Variants in PEX10 observed in about 807,000 individuals in gnomAD.
PEX10 encodes peroxisomal biogenesis factor 10.
A neutral mutation model predicts 38.0 loss-of-function variants in PEX10; 32 were observed. That is an observed-to-expected ratio of 0.84 (90% CI 0.63 to 1.13). The LOEUF (loss-of-function observed/expected upper bound fraction) is 1.13. Among genes scored for constraint, PEX10 ranks in the 50% most tolerant of loss-of-function variants. PEX10 has a pLI of 0.00. For missense variants in PEX10, 483 were observed against 457.7 expected (o/e 1.06, Z -0.51); for synonymous variants, 206 against 207.3 (o/e 0.99, Z 0.05).
rs571178917 is a variant in PEX10, at chr1:2,406,750, C to T, written c.746G>A (p.Trp249Ter). The T allele has an allele frequency of 2.5e-6, 4 of 1,609,724 alleles. No homozygotes were observed. Among genetic ancestry groups the T allele is most frequent in the African/African-American group, 1.3e-5 (1 of 74,978 alleles). The change falls in exon 4 of 6, where the codon TGG becomes TAG. Residue 249 changes from tryptophan to a stop codon, truncating the protein, a stop_gained. Coordinates refer to ENST00000447513, the MANE Select transcript of PEX10 (RefSeq NM_002617.4). LOFTEE classifies it high-confidence loss of function. Reference sequence around the variant, plus strand: ...GTGAGACAGGCCGCGGTGCAGCCTCCACTCCTTCCTGGCTCGCTGCCGCTG... The same window carrying T: ...GTGAGACAGGCCGCGGTGCAGCCTCTACTCCTTCCTGGCTCGCTGCCGCTG... ...FRQRQRARKE[W>*]RLHRGLSHRR...
At position 2,404,748 on chromosome 1, in the gene PEX10, G is replaced by A. The variant is rs1006430876; in HGVS notation, c.*1018C>T. On this transcript the variant is annotated 3_prime_UTR_variant, in exon 6 of 6. Coordinates refer to ENST00000447513, the MANE Select transcript of PEX10 (RefSeq NM_002617.4). ...ACGTCAGCAGGGAAATGTGGCACAC[G>A]CCCTCGAGGCATTTTAACACTGCGC... The A allele has an allele frequency of 5.3e-5, 8 of 152,278 alleles. No individual in the cohort carries two copies. The highest frequency in any genetic ancestry group is 8.8e-5 in the Non-Finnish European group (6 of 68,044). The allele number at this position is 152,278 out of a possible 1,614,324, so 9.4% of individuals were successfully genotyped here.
In PEX10 at chr1:2,410,477, G is replaced by C. The variant is rs41315652; in HGVS notation, c.113-26C>G. ...CTGAGAGGAGAAACAGTATTAGTCCGGGGGAGCTGGTGGGCATCCTCTGAG... is the reference window on the plus strand; with the variant it reads ...CTGAGAGGAGAAACAGTATTAGTCCCGGGGAGCTGGTGGGCATCCTCTGAG... On this transcript the variant is annotated intron_variant, in intron 1 of 5. Coordinates refer to ENST00000447513, the MANE Select transcript of PEX10 (RefSeq NM_002617.4). This position sits in a 1 kb window ranked among gnomAD's most constrained non-coding sequence, Gnocchi z 5.1. 1.0e-5 allele frequency: 16 copies of C among 1,606,126 alleles called. No homozygotes were observed. Among genetic ancestry groups the C allele is most frequent in the Middle Eastern group, 1.6e-4 (1 of 6,070 alleles).
chr1:2,408,543 C>A lies in PEX10; in HGVS notation c.509G>T (p.Gly170Val). ...ATGTAGCCGCTGGAGGCAGGCGAGG[C>A]CCTGTCTGAGGACGAAGACCGCCCG... ...LLRAVFVLRQ[G>V]LACLQRLHVA... Residue 170 changes from glycine (G) to valine (V), a missense_variant, in exon 3 of 6, where the codon GGC (glycine) becomes GTC (valine). Gly to Val is a moderately radical substitution (Grantham distance 109). Transcript: ENST00000447513. 1 of 1,612,674 alleles carries A rather than the reference C, an allele frequency of 6.2e-7. No individual in the cohort carries two copies. Among genetic ancestry groups the A allele is most frequent in the South Asian group, 1.1e-5 (1 of 91,086 alleles).
At position 2,406,860 on chromosome 1, in the gene PEX10, C is replaced by T. The variant is rs1236839010; in HGVS notation, c.636G>A (p.Arg212=). 1.7e-5 allele frequency: 27 copies of T among 1,609,502 alleles called. No individual in the cohort carries two copies. The highest frequency in any genetic ancestry group is 2.3e-5 in the Non-Finnish European group (27 of 1,178,362). ...RVRSLPGEDL[R]ARVSYRLLGV... is the part of the protein sequence containing the mutation. ...CCAGCAGCCTGTAGCTAACACGGGC[C>T]CTCAGGTCCTCTCCGGGCAGGCTGC... The change falls in exon 4 of 6, where the codon AGG becomes AGA. Residue 212 remains arginine (R), a synonymous_variant. Transcript: ENST00000447513.
rs1433540172 is a variant in PEX10 at position 2,408,692 on chromosome 1, GT to G, written c.359del (p.Asp120AlafsTer33). 2 of 1,613,118 alleles carry G rather than the reference GT, an allele frequency of 1.2e-6. No homozygotes were observed. Among genetic ancestry groups the G allele is most frequent in the Non-Finnish European group, 1.7e-6 (2 of 1,179,744 alleles). On this transcript the variant is annotated frameshift_variant, in exon 3 of 6. Coordinates refer to ENST00000447513, the MANE Select transcript of PEX10 (RefSeq NM_002617.4). LOFTEE classifies it high-confidence loss of function. ...LLPLEQELQA[D>X]PDSGRPLQGS... ...CCTGCAAGGGTCGCCCACTGTCGGGGTCAGCCTGCAGCTCCTGCTCCAGGGG... is the reference window on the plus strand; with the variant it reads ...CCTGCAAGGGTCGCCCACTGTCGGGGCAGCCTGCAGCTCCTGCTCCAGGGG...
rs972255935 is a variant in PEX10, at chr1:2,404,175, C to T, written c.*1591G>A. 2.0e-5 allele frequency: 3 copies of T among 152,258 alleles called. No homozygotes were observed. Among genetic ancestry groups the T allele is most frequent in the Admixed American group, 6.5e-5 (1 of 15,284 alleles). The allele number at this position is 152,258 out of a possible 1,614,324, so 9.4% of individuals were successfully genotyped here. A position where few individuals can be genotyped will look rare whatever the true frequency, so the allele number is the denominator to read the frequency against. ...CCCCGGGCTGCGCAGGCTCCTCACT[C>T]TGGGCGGTGTTTCCTGTCTCAGAAT... On this transcript the variant is annotated 3_prime_UTR_variant, in exon 6 of 6. Transcript: ENST00000447513.
chr1:2,407,534 G>A (rs1387808596), intron 3 of PEX10, among the ~76,000 whole-genome samples: 1 of 152,250 alleles, frequency 6.6e-6, no homozygotes, highest in East Asian at 1.9e-4. Context: ...CTAGGAGAGA[G>A]GGAGCCTCCC....
At position 2,405,356 on chromosome 1, in the gene PEX10, C is replaced by T. The variant is rs886046144; in HGVS notation, c.*410G>A. ...CGTGCCCCACCCCACCCAGCACGCA[C>T]TCATTCAGTCCATTGCCTTAACACA... On this transcript the variant is annotated 3_prime_UTR_variant, in exon 6 of 6. Coordinates refer to ENST00000447513, the MANE Select transcript of PEX10 (RefSeq NM_002617.4). 2.6e-4 allele frequency: 91 copies of T among 353,970 alleles called. No homozygotes were observed. The highest frequency in any genetic ancestry group is 9.9e-4 in the Middle Eastern group (1 of 1,012). The allele number at this position is 353,970 out of a possible 1,614,324, so 21.9% of individuals were successfully genotyped here.
At position 2,409,984 on chromosome 1, in the gene PEX10, C is replaced by T. The variant is rs1173547739; in HGVS notation, c.193+387G>A. The T allele has an allele frequency of 6.7e-6, 2 of 300,338 alleles. No individual in the cohort carries two copies. The highest frequency in any genetic ancestry group is 1.3e-5 in the Non-Finnish European group (2 of 151,710). The allele number at this position is 300,338 out of a possible 1,614,324, so 18.6% of individuals were successfully genotyped here. The stretch of plus-strand genomic sequence containing the variant: ...TGAGAGCTTCTGTCAACAACTCCCT[C>T]TAAAGGGTGGTGACCAGCCTGGGCC... On this transcript the variant is annotated intron_variant, in intron 2 of 5. Transcript: ENST00000447513. The surrounding 1 kb of genome is among the most constrained non-coding windows in gnomAD (Gnocchi z 6.2).
At position 2,405,188 on chromosome 1, in the gene PEX10, G is replaced by A. The variant is rs1642957748; in HGVS notation, c.*578C>T. 5.5e-6 allele frequency: 1 copy of A among 180,864 alleles called. No individual in the cohort carries two copies. The allele number at this position is 180,864 out of a possible 1,614,324, so 11.2% of individuals were successfully genotyped here. ...GCTTCCGACGGAGGTGCTGGCCTTG[G>A]TTGGTTTCTCTCTGCCCCGTGTGGT... is the stretch of plus-strand genomic sequence containing the variant. On this transcript the variant is annotated 3_prime_UTR_variant, in exon 6 of 6. Transcript: ENST00000447513.
chr1:2,408,590 CTCAG>C lies in PEX10; in HGVS notation c.458_461del (p.Thr153SerfsTer58), dbSNP rs1643085902. 4 of 1,611,804 alleles carry C rather than the reference CTCAG, an allele frequency of 2.5e-6. No individual in the cohort carries two copies. In the Admixed American group the frequency reaches 5.0e-5, roughly 20 times the overall value. On this transcript the variant is annotated frameshift_variant, in exon 3 of 6. Transcript: ENST00000447513. LOFTEE classifies it high-confidence loss of function. ...CCCGCAGCAGCGCCCTCCTCTGCTG[CTCAG>C]TCAGGGTGGCCGTGTGGTGACGCAT...
At position 2,409,890 on chromosome 1, in the gene PEX10, G is replaced by A. The variant is rs1370253517; in HGVS notation, c.193+481C>T. 5.9e-6 allele frequency: 1 copy of A among 170,362 alleles called. No individual in the cohort carries two copies. The highest frequency in any genetic ancestry group is 1.3e-5 in the Non-Finnish European group (1 of 78,632). 10.6% of individuals were successfully genotyped at this position (170,362 alleles called of 1,614,324 possible). A position where few individuals can be genotyped will look rare whatever the true frequency, so the allele number is the denominator to read the frequency against. ...TCCATGGCGGCAGGATGCCCGGGGC[G>A]AGCCCCTCGTAGGGAACCAGGCTGG... On this transcript the variant is annotated intron_variant, in intron 2 of 5. Coordinates refer to ENST00000447513, the MANE Select transcript of PEX10 (RefSeq NM_002617.4). The surrounding 1 kb of genome is among the most constrained non-coding windows in gnomAD (Gnocchi z 6.2).
Position 2,412,475 on chromosome 1 carries a change from C to G in PEX10, c.28G>C (p.Glu10Gln), listed in dbSNP as rs934610933. Residue 10 changes from glutamate (E) to glutamine (Q), a missense_variant, in exon 1 of 6, where the codon GAG (glutamate) becomes CAG (glutamine). By Grantham distance (29) the Glu-to-Gln change is conservative. Coordinates refer to ENST00000447513, the MANE Select transcript of PEX10 (RefSeq NM_002617.4). ...TCCTTCTGCGCCGCGCGGATCACCT[C>G]CGGGGGGCTGGCGGCGGCCGGGGCC... The part of the protein sequence containing the change: MAPAAASPP[E>Q]VIRAAQKDEY... 5 of 1,393,604 alleles carry G rather than the reference C, an allele frequency of 3.6e-6. No individual in the cohort carries two copies. Among genetic ancestry groups the G allele is most frequent in the Admixed American group, 3.2e-5 (1 of 31,668 alleles). The allele number at this position is 1,393,604 out of a possible 1,614,324, so 86.3% of individuals were successfully genotyped here. A position where few individuals can be genotyped will look rare whatever the true frequency, so the allele number is the denominator to read the frequency against.
intron 5 of PEX10, 102 bp downstream of exon 5, chr1:2,406,380 CTG>C: frequency 1.4e-6 from 2 of 1,480,174 alleles, no homozygotes; most frequent in Non-Finnish European, 1.9e-6. Context: ...ACCCTCAAAA[CTG>C]GAGGGTGCTC....
At chr1:2,411,590 A>C (rs1362414534) in intron 1 of PEX10, among the ~76,000 whole-genome samples, 1 of 151,090 alleles carries the variant, frequency 6.6e-6, no homozygotes, top group Non-Finnish European at 1.5e-5. Flanking sequence ...CCCAGGCTGG[A>C]GTGCAGCGGC....
In PEX10 at chr1:2,408,311, G is replaced by A. The variant is rs924258823; in HGVS notation, c.600+141C>T. ...GCTTTTTTTCCAAGCAGAGGATTTG[G>A]GTTCCTGCCTTGACACAGATGCTGG... On this transcript the variant is annotated intron_variant, in intron 3 of 5. Coordinates refer to ENST00000447513, the MANE Select transcript of PEX10 (RefSeq NM_002617.4). 8 of 914,754 alleles carry A rather than the reference G, an allele frequency of 8.7e-6. No homozygotes were observed. The African/African-American group carries it at 1.3e-4, about 15-fold the overall frequency. The allele number at this position is 914,754 out of a possible 1,614,324, so 56.7% of individuals were successfully genotyped here. A position where few individuals can be genotyped will look rare whatever the true frequency, so the allele number is the denominator to read the frequency against.
At chr1:2,406,120 C>T (rs1043377847) in intron 5 of PEX10, among the ~76,000 whole-genome samples, 18 of 152,236 alleles carry the variant, frequency 1.2e-4, no homozygotes, top group East Asian at 3.9e-4. Context: ...CCTGGGAAAG[C>T]GTGCGCTCTC....
intron 3 of PEX10, among the ~76,000 whole-genome samples, chr1:2,408,020 G>A (rs929883049): frequency 1.3e-5 from 2 of 151,960 alleles, no homozygotes; most frequent in Non-Finnish European, 2.9e-5. Flanking sequence ...GGCCAGGCAG[G>A]GGCGAGGGGT....
In PEX10 at chr1:2,404,506, CG is replaced by C. The variant is rs1642931498; in HGVS notation, c.*1259del. On this transcript the variant is annotated 3_prime_UTR_variant, in exon 6 of 6. Transcript: ENST00000447513. ...GACTGGGTGCTGATGGATGGAGCCACGGCGGCATCTGCCCACCCGGCCGCAG... is the reference window on the plus strand; with the variant it reads ...GACTGGGTGCTGATGGATGGAGCCACGCGGCATCTGCCCACCCGGCCGCAG... The C allele has an allele frequency of 6.6e-6, 1 of 152,272 alleles. No homozygotes were observed. The highest frequency in any genetic ancestry group is 1.5e-5 in the Non-Finnish European group (1 of 68,068). 9.4% of individuals were successfully genotyped at this position (152,272 alleles called of 1,614,324 possible).
Sources: allele counts gnomAD v4.1 joint callset (sites outside exome capture counted in the v4.1 genomes callset), GRCh38; gene constraint gnomAD v4.1.1; non-coding constraint Gnocchi (gnomAD v3.1); transcripts MANE v1.5; gene names NCBI Gene and HGNC (gene_info 2026-07-23, HGNC 2026-07-21).